The following PNPLA4 variants were observed in gnomAD, a reference collection of about 807,000 sequenced individuals.
PNPLA4 encodes patatin like domain 4, phospholipase and triacylglycerol lipase.
PNPLA4 carries 15 observed loss-of-function variants against 18.3 expected under a neutral mutation model. That is an observed-to-expected ratio of 0.82 (90% CI 0.55 to 1.26). The LOEUF is 1.26. Ranked by LOEUF, PNPLA4 falls within the 50% of genes most tolerant of loss-of-function variation. The pLI, the probability that PNPLA4 is intolerant of heterozygous loss-of-function variation, is 0.00. For missense variants in PNPLA4, 229 were observed against 196.8 expected (o/e 1.16, Z -0.98); for synonymous variants, 88 against 85.6 (o/e 1.03, Z -0.16).
chrX:7,914,535 A>G (rs1923978415), intron 4 of PNPLA4, among the ~76,000 whole-genome samples: 1 of 112,359 alleles, frequency 8.9e-6, no homozygotes, highest in African/African-American at 3.2e-5. Flanking sequence ...CGCAAGCACA[A>G]TGTAGCTATT....
At chrX:7,900,898 C>G in intron 6 of PNPLA4, 81 bp from the exon 7 acceptor site, 1 of 783,378 alleles carries the variant, frequency 1.3e-6, no homozygotes, top group Admixed American at 3.7e-5. Flanking sequence ...TCTAGGTTTT[C>G]TTATCACAGA....
At chrX:7,911,381 G>A (rs1189857874) in intron 5 of PNPLA4, among the ~76,000 whole-genome samples, 1 of 111,693 alleles carries the variant, frequency 9.0e-6, no homozygotes, top group African/African-American at 3.3e-5. Context: ...TGGGTCGAAT[G>A]GTGAATACTC....
At chrX:7,911,705 C>G (rs185344747) in intron 5 of PNPLA4, among the ~76,000 whole-genome samples, 17 of 110,463 alleles carry the variant, frequency 1.5e-4, no homozygotes, top group Non-Finnish European at 2.5e-4. Flanking sequence ...CTCACCCTGA[C>G]GGTGGTACAA....
intron 2 of PNPLA4, among the ~76,000 whole-genome samples, chrX:7,925,606 T>C (rs1924367656): frequency 8.9e-6 from 1 of 112,147 alleles, no homozygotes; most frequent in African/African-American, 3.2e-5. Context: ...GTTCAAGGCC[T>C]TGAAAACAGG....
chrX:7,923,079 G>T (rs758694395), intron 2 of PNPLA4, among the ~76,000 whole-genome samples: 3 of 112,539 alleles, frequency 2.7e-5, no homozygotes, highest in African/African-American at 9.7e-5. Flanking sequence ...CAGAATTTCA[G>T]TTAAGTGGCT....
intron 4 of PNPLA4, among the ~76,000 whole-genome samples, chrX:7,914,248 T>A (rs1923965972): frequency 8.9e-6 from 1 of 112,039 alleles, no homozygotes; most frequent in African/African-American, 3.2e-5. Flanking sequence ...TACTGTGACA[T>A]TAGAGCAATC....
At chrX:7,906,715 T>C (rs1443128844) in intron 5 of PNPLA4, among the ~76,000 whole-genome samples, 1 of 112,205 alleles carries the variant, frequency 8.9e-6, no homozygotes, top group Non-Finnish European at 1.9e-5. Flanking sequence ...TGCATTTCCA[T>C]GTAAAAAGTC....
Position 7,902,025 on chromosome X carries a change from T to C in PNPLA4, c.594A>G (p.Leu198=), listed in dbSNP as rs1258176199. The change falls in exon 6 of 7, where the codon CTA becomes CTG. Residue 198 remains leucine, a synonymous_variant. Transcript: ENST00000381042. ...LDISPQDKGQ[L]DLYVNIAKQD... is the part of the protein sequence containing the mutation. ...GCTTGGCGATATTAACATACAGATCTAGCTGCCCTTTGTCCTGCGGGGAGA... is the reference window on the plus strand; with the variant it reads ...GCTTGGCGATATTAACATACAGATCCAGCTGCCCTTTGTCCTGCGGGGAGA... 2.5e-6 allele frequency: 3 copies of C among 1,208,800 alleles called. No homozygotes were observed. Among genetic ancestry groups the C allele is most frequent in the Non-Finnish European group, 3.4e-6 (3 of 893,940 alleles).
chrX:7,921,195 A>G (rs1457231162), intron 4 of PNPLA4, among the ~76,000 whole-genome samples: 1 of 111,507 alleles, frequency 9.0e-6, no homozygotes, highest in African/African-American at 3.3e-5. Flanking sequence ...GCTTGAATCT[A>G]GGAGGCAGAG....
chrX:7,902,149 AAG>A lies in PNPLA4; in HGVS notation c.478-10_478-9del. The stretch of plus-strand genomic sequence containing the variant: ...GCCTCCGTCCACCCACTTCTGTGGA[AAG>A]AAACATCTCACGTCAGCACACGTCA... On this transcript the variant is annotated splice_polypyrimidine_tract_variant and intron_variant, in intron 5 of 6. Coordinates refer to ENST00000381042, the MANE Select transcript of PNPLA4 (RefSeq NM_004650.3). 8.4e-7 allele frequency: 1 copy of A among 1,195,870 alleles called. No homozygotes were observed. Among genetic ancestry groups the A allele is most frequent in the East Asian group, 3.0e-5 (1 of 33,394 alleles).
chrX:7,902,382 T>G (rs751070523), intron 5 of PNPLA4, among the ~76,000 whole-genome samples: 1 of 112,154 alleles, frequency 8.9e-6, no homozygotes, highest in South Asian at 3.7e-4. Flanking sequence ...GAATTCTTAC[T>G]GACTACAGTG....
intron 5 of PNPLA4, among the ~76,000 whole-genome samples, chrX:7,905,314 T>C (rs953766992): frequency 8.9e-6 from 1 of 112,551 alleles, no homozygotes; most frequent in Admixed American, 9.4e-5. Context: ...TAGACATTCA[T>C]GTGTTATGGG....
At chrX:7,922,715 G>A (rs1183975759) in intron 2 of PNPLA4, among the ~76,000 whole-genome samples, 1 of 112,239 alleles carries the variant, frequency 8.9e-6, no homozygotes, top group Non-Finnish European at 1.9e-5. Context: ...ACAAGAAAAC[G>A]GAGGATTGGA....
intron 1 of PNPLA4, among the ~76,000 whole-genome samples, 190 bp from the exon 2 acceptor site, chrX:7,926,322 G>C (rs1023351050): frequency 8.9e-6 from 1 of 111,800 alleles, no homozygotes; most frequent in South Asian, 3.7e-4. Flanking sequence ...TCCTCACCTT[G>C]ACCCAAGTCT....
At position 7,922,016 on chromosome X, in the gene PNPLA4, A is replaced by G; in HGVS notation, c.263T>C (p.Met88Thr). ...FGAVTPGYDF[M>T]ARLRSGMESI... Reference sequence around the variant, plus strand: ...GTACTCTGTATACCTTAGTCGGGCCATGAAGTCATAACCGGGCGTTACTGC... The same window carrying G: ...GTACTCTGTATACCTTAGTCGGGCCGTGAAGTCATAACCGGGCGTTACTGC... Residue 88 changes from methionine (M) to threonine (T), a missense_variant, in exon 3 of 7, where the codon ATG (methionine) becomes ACG (threonine). Physicochemically the swap from Met to Thr is moderately conservative, Grantham distance 81 (BLOSUM62 -1). Coordinates refer to ENST00000381042, the MANE Select transcript of PNPLA4 (RefSeq NM_004650.3). 1 of 1,205,919 alleles carries G rather than the reference A, an allele frequency of 8.3e-7. No homozygotes were observed. The highest frequency in any genetic ancestry group is 1.7e-5 in the African/African-American group (1 of 57,760).
chrX:7,909,164 T>C (rs1430527434), intron 5 of PNPLA4, among the ~76,000 whole-genome samples: 1 of 111,885 alleles, frequency 8.9e-6, no homozygotes, highest in African/African-American at 3.2e-5. Flanking sequence ...GTGACTTCAG[T>C]GAAGTAGACT....
At chrX:7,916,755 C>T (rs1924058704) in intron 4 of PNPLA4, among the ~76,000 whole-genome samples, 1 of 111,380 alleles carries the variant, frequency 9.0e-6, no homozygotes, top group Admixed American at 9.6e-5. Flanking sequence ...GCTGGCGACC[C>T]ACAGACATAA....
chrX:7,921,115 C>T (rs754105069), intron 4 of PNPLA4, among the ~76,000 whole-genome samples: 15 of 111,006 alleles, frequency 1.4e-4, no homozygotes, highest in Non-Finnish European at 2.5e-4. Flanking sequence ...ACTAAAAATA[C>T]AAAAATTAGG....
At chrX:7,925,870 C>T (rs1411110955) in intron 2 of PNPLA4, 70 bp downstream of exon 2, 4 of 905,313 alleles carry the variant, frequency 4.4e-6, no homozygotes, top group East Asian at 3.1e-5. Context: ...TTAGTAGAGT[C>T]AATGCTGGTG....
Sources: allele counts gnomAD v4.1 joint callset (sites outside exome capture counted in the v4.1 genomes callset), GRCh38; gene constraint gnomAD v4.1.1; transcripts MANE v1.5; gene names NCBI Gene and HGNC (gene_info 2026-07-23, HGNC 2026-07-21).